The following RP1 variants were observed in gnomAD, a reference collection of about 807,000 sequenced individuals.
RP1 encodes the protein RP1 axonemal microtubule associated.
RP1 carries 16 observed loss-of-function variants against 14.8 expected under a neutral mutation model. The observed-to-expected ratio is 1.08, with a 90% confidence interval of 0.73 to 1.65. The LOEUF (loss-of-function observed/expected upper bound fraction) is 1.65, where lower values mean the gene tolerates loss of function less well. Ranked by LOEUF, RP1 falls within the 40% of genes most tolerant of loss-of-function variation. RP1 has a pLI of 0.00. For synonymous variants in RP1, 876 were observed against 883.6 expected, an observed-to-expected ratio of 0.99 and a Z score of 0.15; for missense variants, 2,631 against 2,535.0, an observed-to-expected ratio of 1.04 and a Z score of -0.81.
intron 7 of RP1, among the ~76,000 whole-genome samples, chr8:54,665,123 G>C (rs1356487294): frequency 6.6e-6 from 1 of 152,092 alleles, no homozygotes; most frequent in African/African-American, 2.4e-5. Context: ...ATTCATCACT[G>C]TCTTGATGTC....
chr8:54,823,700 C>G (rs1464950811), intron 24 of RP1, among the ~76,000 whole-genome samples: 1 of 152,078 alleles, frequency 6.6e-6, no homozygotes, highest in Non-Finnish European at 1.5e-5. Flanking sequence ...GACCATTTAC[C>G]TATTGAAGGA....
At chr8:54,841,039 C>G (rs1046611531) in intron 25 of RP1, among the ~76,000 whole-genome samples, 3 of 152,076 alleles carry the variant, frequency 2.0e-5, no homozygotes, top group Admixed American at 6.5e-5. Context: ...AGGAATTAAA[C>G]AGAGACCAAA....
At chr8:54,694,294 T>C (rs1258782136) in intron 12 of RP1, among the ~76,000 whole-genome samples, 1 of 152,148 alleles carries the variant, frequency 6.6e-6, no homozygotes, top group Non-Finnish European at 1.5e-5. Context: ...TTTTGTTGTG[T>C]CTCTGCCAGG....
In RP1 at chr8:54,678,881, A is replaced by T. The variant is rs749506536; in HGVS notation, c.1478+345A>T. Among the ~76,000 whole-genome samples, 5 of 152,244 alleles carry T rather than the reference A, an allele frequency of 3.3e-5. 1 individual carries two copies. In the South Asian group the frequency reaches 1.0e-3, roughly 32 times the overall value. On this transcript the variant is annotated intron_variant, in intron 9 of 22. Transcript: ENST00000636932. ...TTAGGTTAAAAAATAATAAATATACACAGTGTTTCATGTAGCTTTTTATAC... is the reference window on the plus strand; with the variant it reads ...TTAGGTTAAAAAATAATAAATATACTCAGTGTTTCATGTAGCTTTTTATAC...
chr8:54,833,667 C>A lies in RP1; in HGVS notation c.3616-3783C>A, dbSNP rs77549289. ...CAGGACTTTGTTTTCCAATAGAAATCATTCACTGTTGAAAATATAGACTTC... is the reference window on the plus strand; with the variant it reads ...CAGGACTTTGTTTTCCAATAGAAATAATTCACTGTTGAAAATATAGACTTC... On this transcript the variant is annotated intron_variant, in intron 24 of 28. Coordinates refer to the RP1 transcript ENST00000637698. Among the ~76,000 whole-genome samples, 215 of 152,122 alleles carry A rather than the reference C, an allele frequency of 1.4e-3. 2 individuals are homozygous for A. In the East Asian group the frequency reaches 0.037, roughly 26 times the overall value.
At chr8:54,584,619 T>C (rs1804875358) in intron 1 of RP1, among the ~76,000 whole-genome samples, 1 of 152,190 alleles carries the variant, frequency 6.6e-6, no homozygotes, top group East Asian at 1.9e-4. Context: ...TCTCCCGTTA[T>C]TATTGTGTGG....
intron 1 of RP1, among the ~76,000 whole-genome samples, chr8:54,599,896 T>C (rs1396568235): frequency 1.3e-5 from 2 of 152,158 alleles, no homozygotes; most frequent in African/African-American, 2.4e-5. Context: ...AAGACCTCCT[T>C]TGACACTGCT....
At chr8:54,679,378 A>G in intron 9 of RP1, 1 of 1,486,402 alleles carries the variant, frequency 6.7e-7, no homozygotes, top group South Asian at 1.2e-5. Flanking sequence ...GTTAATGTAA[A>G]TATAAAGTCT....
At chr8:54,744,577 C>T (rs184917087) in intron 19 of RP1, among the ~76,000 whole-genome samples, 12 of 152,278 alleles carry the variant, frequency 7.9e-5, no homozygotes, top group Non-Finnish European at 1.6e-4. Flanking sequence ...TTGATAAATA[C>T]ATAGACCTAC....
intron 12 of RP1, among the ~76,000 whole-genome samples, chr8:54,683,452 A>G (rs982473237): frequency 1.8e-4 from 28 of 151,886 alleles, no homozygotes; most frequent in African/African-American, 5.8e-4. Context: ...CTGTTTCTCT[A>G]TTTGTTTGTG....
At chr8:54,791,282 C>T (rs1398360034) in intron 24 of RP1, among the ~76,000 whole-genome samples, 3 of 152,060 alleles carry the variant, frequency 2.0e-5, no homozygotes, top group African/African-American at 7.2e-5. Context: ...ATAAAGATTT[C>T]CCATCCCAAA....
chr8:54,679,613 A>G (rs1170364206), exon 11 of RP1: 8 of 1,535,986 alleles, frequency 5.2e-6, no homozygotes, highest in Non-Finnish European at 7.0e-6. Flanking sequence ...ATTGGAACTT[A>G]AGAGAAAAGA....
At chr8:54,821,915 T>G (rs1245829061) in intron 24 of RP1, among the ~76,000 whole-genome samples, 1 of 152,184 alleles carries the variant, frequency 6.6e-6, no homozygotes, top group Non-Finnish European at 1.5e-5. Flanking sequence ...TTTTGTTGTC[T>G]GAAATCAGCT....
intron 8 of RP1, among the ~76,000 whole-genome samples, chr8:54,675,363 T>C (rs956273251): frequency 2.0e-5 from 3 of 152,006 alleles, no homozygotes; most frequent in African/African-American, 4.8e-5. Flanking sequence ...TGCATATAAA[T>C]AGATAAAGTA....
intron 23 of RP1, among the ~76,000 whole-genome samples, chr8:54,778,002 C>G (rs1254641364): frequency 1.3e-5 from 2 of 152,208 alleles, no homozygotes; most frequent in Non-Finnish European, 2.9e-5. Context: ...TTAATAGTAT[C>G]TTGAATATCC....
In RP1 at chr8:54,627,676, A is replaced by G; in HGVS notation, c.3794A>G (p.Asn1265Ser). Residue 1265 changes from asparagine to serine, a missense_variant, in exon 4 of 4, where the codon AAT (asparagine) becomes AGT (serine). Coordinates refer to ENST00000220676, the MANE Select transcript of RP1 (RefSeq NM_006269.2). ...TCTCCATGTGAGATGTGCACTGTAAATAAGGCTTATTCTCCAAAAGAGACA... is the reference window on the plus strand; with the variant it reads ...TCTCCATGTGAGATGTGCACTGTAAGTAAGGCTTATTCTCCAAAAGAGACA... Reference protein sequence around the residue: ...TCSPCEMCTVNKAYSPKETCN... With the variant: ...TCSPCEMCTVSKAYSPKETCN... The G allele has an allele frequency of 2.5e-6, 4 of 1,614,186 alleles. No individual in the cohort carries two copies. Among genetic ancestry groups the G allele is most frequent in the Non-Finnish European group, 3.4e-6 (4 of 1,179,988 alleles).
chr8:54,837,610 A>C (rs899809213), exon 25 of RP1: 4 of 1,231,964 alleles, frequency 3.2e-6, no homozygotes, highest in African/African-American at 1.6e-5. Flanking sequence ...GAGAATGAAA[A>C]TGATGGCGAT....
intron 24 of RP1, among the ~76,000 whole-genome samples, chr8:54,829,963 A>T (rs748922299): frequency 3.9e-4 from 59 of 152,304 alleles, no homozygotes; most frequent in Non-Finnish European, 6.5e-4. Flanking sequence ...TGGAAAAGCT[A>T]CACATCTCAA....
chr8:54,796,723 G>C (rs1002747952), intron 24 of RP1, among the ~76,000 whole-genome samples: 1 of 152,132 alleles, frequency 6.6e-6, no homozygotes, highest in Non-Finnish European at 1.5e-5. Flanking sequence ...TGGCCTCATT[G>C]ACGTCTTGAT....
Sources: gnomAD v4.1 joint callset for allele counts (sites outside exome capture counted in the v4.1 genomes callset) on GRCh38, gnomAD v4.1.1 for gene constraint, MANE v1.5 for transcripts, NCBI Gene and HGNC (gene_info 2026-07-23, HGNC 2026-07-21) for gene names.